The following MAP4K3 variants were observed in gnomAD, a reference collection of about 807,000 sequenced individuals.
MAP4K3 encodes the protein mitogen-activated protein kinase kinase kinase kinase 3.
Under a neutral mutation model 143.5 loss-of-function variants are expected in MAP4K3, and 94 were observed. That is an observed-to-expected ratio of 0.65 (90% CI 0.55 to 0.78). The LOEUF (loss-of-function observed/expected upper bound fraction) is 0.78, where lower values mean the gene tolerates loss of function less well. Ranked by LOEUF, MAP4K3 falls within the 30% of genes least tolerant of loss-of-function variation. MAP4K3 has a pLI of 0.00. For synonymous variants in MAP4K3, 416 were observed against 347.2 expected, an observed-to-expected ratio of 1.20 and a Z score of -2.20; for missense variants, 1,077 against 1,068.1, an observed-to-expected ratio of 1.01 and a Z score of -0.12.
chr2:39,250,764 T>C (rs1680124862), intron 33 of MAP4K3, 59 bp from the exon 34 acceptor site: 1 of 1,363,554 alleles, frequency 7.3e-7, no homozygotes, highest in East Asian at 2.4e-5. Flanking sequence ...TAATGTTAGC[T>C]CCCAAATTTT....
intron 7 of MAP4K3, among the ~76,000 whole-genome samples, chr2:39,332,211 C>G (rs1176460941): frequency 6.6e-6 from 1 of 151,882 alleles, no homozygotes; most frequent in Non-Finnish European, 1.5e-5. Context: ...CCCATATATC[C>G]CCACATAAAT....
chr2:39,380,025 G>C (rs1202765501), intron 1 of MAP4K3, among the ~76,000 whole-genome samples: 1 of 151,988 alleles, frequency 6.6e-6, no homozygotes, highest in African/African-American at 2.4e-5. Flanking sequence ...ATTTCCTATA[G>C]GGTTGACTTA....
At chr2:39,326,351 G>T in intron 8 of MAP4K3, 74 bp from the exon 9 acceptor site, 1 of 1,517,944 alleles carries the variant, frequency 6.6e-7, no homozygotes, top group Non-Finnish European at 9.0e-7. Flanking sequence ...AGAGGCACAA[G>T]GAATTATCAC....
At chr2:39,261,303 T>C (rs1011969990) in intron 28 of MAP4K3, among the ~76,000 whole-genome samples, 1 of 138,366 alleles carries the variant, frequency 7.2e-6, no homozygotes, top group Non-Finnish European at 1.6e-5. Context: ...AACTCAGTTA[T>C]AATACAACCC....
In MAP4K3 at chr2:39,260,551, T is replaced by C. The variant is rs1046265521; in HGVS notation, c.2308+55A>G. 68 of 1,453,902 alleles carry C rather than the reference T, an allele frequency of 4.7e-5. No homozygotes were observed. In the Admixed American group the frequency reaches 6.4e-4, roughly 14 times the overall value. The allele number at this position is 1,453,902 out of a possible 1,614,324, so 90.1% of individuals were successfully genotyped here. On this transcript the variant is annotated intron_variant, in intron 29 of 33. Transcript: ENST00000263881. ...TTAGTAAGAGATACAGTAAACTTAC[T>C]ACTTATAAAACCAGTATATGTATTA... is the stretch of plus-strand genomic sequence containing the variant.
At chr2:39,290,898 G>GA (rs1308117961) in intron 18 of MAP4K3, among the ~76,000 whole-genome samples, 1 of 152,008 alleles carries the variant, frequency 6.6e-6, no homozygotes, top group African/African-American at 2.4e-5. Flanking sequence ...TTAACATGGT[G>GA]AAACACCATC....
intron 8 of MAP4K3, among the ~76,000 whole-genome samples, chr2:39,327,728 C>T (rs3770661): frequency 0.055 from 8,411 of 151,654 alleles, 459 homozygotes; most frequent in African/African-American, 0.13. Flanking sequence ...ATAAGAAAAG[C>T]GAATTTCAAA....
chr2:39,435,402 T>C (rs78462223), intron 1 of MAP4K3, among the ~76,000 whole-genome samples: 10,261 of 152,222 alleles, frequency 0.067, 1,173 homozygotes, highest in African/African-American at 0.23. Flanking sequence ...GCTCAGGCTA[T>C]ACAGGCCTTC....
At chr2:39,416,191 G>T (rs978519231) in intron 1 of MAP4K3, among the ~76,000 whole-genome samples, 1 of 150,902 alleles carries the variant, frequency 6.6e-6, no homozygotes, top group Non-Finnish European at 1.5e-5. Context: ...GAGTTGGGAG[G>T]GCTGTCCTGT....
chr2:39,418,002 A>C (rs1324768679), intron 1 of MAP4K3, among the ~76,000 whole-genome samples: 1 of 152,134 alleles, frequency 6.6e-6, no homozygotes, highest in Non-Finnish European at 1.5e-5. Context: ...AGAGACAAAG[A>C]CCATCCTGGC....
chr2:39,433,431 G>A (rs904287264), intron 1 of MAP4K3, among the ~76,000 whole-genome samples: 3 of 152,128 alleles, frequency 2.0e-5, no homozygotes, highest in African/African-American at 4.8e-5. Context: ...GACTTAAAGG[G>A]TAGGAATAAT....
intron 28 of MAP4K3, among the ~76,000 whole-genome samples, chr2:39,261,998 C>G (rs928110487): frequency 6.6e-6 from 1 of 151,854 alleles, no homozygotes; most frequent in Non-Finnish European, 1.5e-5. Flanking sequence ...TTTTTCTTCA[C>G]AAATTAAAAA....
chr2:39,349,563 G>A (rs1665390768), intron 3 of MAP4K3, among the ~76,000 whole-genome samples: 1 of 152,114 alleles, frequency 6.6e-6, no homozygotes, highest in Non-Finnish European at 1.5e-5. Context: ...TTGAAAATTA[G>A]CAAGGCCACT....
Position 39,282,564 on chromosome 2 carries a change from G to T in MAP4K3, c.1588-10C>A. The T allele has an allele frequency of 6.2e-7, 1 of 1,605,492 alleles. No homozygotes were observed. The highest frequency in any genetic ancestry group is 8.5e-7 in the Non-Finnish European group (1 of 1,173,690). ...CATTACTAATAGGCTTCTAGAAAAA[G>T]AACACATGTATGATTACACTTTTTT... On this transcript the variant is annotated splice_polypyrimidine_tract_variant and intron_variant, in intron 21 of 33. Coordinates refer to ENST00000263881, the MANE Select transcript of MAP4K3 (RefSeq NM_003618.4).
At chr2:39,317,541 G>A (rs901170973) in intron 12 of MAP4K3, among the ~76,000 whole-genome samples, 1 of 150,820 alleles carries the variant, frequency 6.6e-6, no homozygotes, top group East Asian at 2.0e-4. Flanking sequence ...TCCTGAATCT[G>A]TAAGAATCTT....
intron 7 of MAP4K3, among the ~76,000 whole-genome samples, chr2:39,332,207 T>C (rs1274817305): frequency 6.6e-6 from 1 of 152,082 alleles, no homozygotes; most frequent in Non-Finnish European, 1.5e-5. Context: ...GATTCCCATA[T>C]ATCCCCACAT....
At chr2:39,434,859 A>G (rs1394569922) in intron 1 of MAP4K3, among the ~76,000 whole-genome samples, 1 of 152,220 alleles carries the variant, frequency 6.6e-6, no homozygotes, top group Non-Finnish European at 1.5e-5. Context: ...CATAAACATC[A>G]GCTAGTATTA....
intron 1 of MAP4K3, among the ~76,000 whole-genome samples, chr2:39,386,464 C>G (rs1318155361): frequency 6.6e-6 from 1 of 152,180 alleles, no homozygotes; most frequent in East Asian, 1.9e-4. Context: ...GGTATCACAT[C>G]CAAGATCTTT....
intron 2 of MAP4K3, among the ~76,000 whole-genome samples, chr2:39,364,503 G>A (rs1032681414): frequency 6.6e-6 from 1 of 152,198 alleles, no homozygotes; most frequent in Non-Finnish European, 1.5e-5. Flanking sequence ...ACAGCTCCAA[G>A]AGATCCTGAG....
Sources: allele counts gnomAD v4.1 joint callset (sites outside exome capture counted in the v4.1 genomes callset), GRCh38; gene constraint gnomAD v4.1.1; transcripts MANE v1.5; gene names NCBI Gene and HGNC (gene_info 2026-07-23, HGNC 2026-07-21).